MSRA: variants seen among roughly 807,000 people sequenced by gnomAD.
MSRA encodes mitochondrial peptide methionine sulfoxide reductase.
Under a neutral mutation model 31.3 loss-of-function variants are expected in MSRA, and 54 were observed. The observed-to-expected ratio is 1.73, with a 90% CI of 1.39 to 2.17. MSRA has a LOEUF of 2.17. Among genes scored for constraint, MSRA ranks in the 30% most tolerant of loss-of-function variants. MSRA has a pLI of 0.00. For synonymous variants in MSRA, 169 were observed against 116.5 expected, an observed-to-expected ratio of 1.45 and a Z score of -2.90; for missense variants, 507 against 300.9, an observed-to-expected ratio of 1.69 and a Z score of -5.07.
chr8:10,163,336 G>A (rs189976860), intron 1 of MSRA, among the ~76,000 whole-genome samples: 1 of 152,222 alleles, frequency 6.6e-6, no homozygotes, highest in Non-Finnish European at 1.5e-5. Flanking sequence ...ATGGTGGCCG[G>A]TCACCTTCCA....
chr8:10,265,521 G>C (rs1312306280), intron 3 of MSRA, among the ~76,000 whole-genome samples: 2 of 152,232 alleles, frequency 1.3e-5, no homozygotes, highest in Admixed American at 1.3e-4. Flanking sequence ...ACTCAGCATT[G>C]TCAGGCAGCT....
At chr8:10,129,506 G>A (rs1419188867) in intron 1 of MSRA, among the ~76,000 whole-genome samples, 5 of 152,034 alleles carry the variant, frequency 3.3e-5, no homozygotes, top group African/African-American at 1.2e-4. Context: ...CTCTTGCCCT[G>A]CAGCCTCTGA....
intron 3 of MSRA, among the ~76,000 whole-genome samples, chr8:10,248,552 A>G (rs1369088657): frequency 1.3e-5 from 2 of 152,218 alleles, no homozygotes; most frequent in East Asian, 1.9e-4. Context: ...CACAGCCTCA[A>G]CAGGGGAGAA....
intron 1 of MSRA, among the ~76,000 whole-genome samples, chr8:10,147,033 G>A (rs1803202788): frequency 6.6e-6 from 1 of 152,208 alleles, no homozygotes; most frequent in African/African-American, 2.4e-5. Context: ...CAGAGGCGAG[G>A]TGGCCCTTCC....
intron 5 of MSRA, among the ~76,000 whole-genome samples, chr8:10,361,641 C>T (rs1804852825): frequency 6.6e-6 from 1 of 152,136 alleles, no homozygotes; most frequent in South Asian, 2.1e-4. Context: ...TCTTAAGATG[C>T]TTGCCTTCTC....
chr8:10,212,361 T>A (rs888555311), intron 2 of MSRA, among the ~76,000 whole-genome samples: 19 of 152,090 alleles, frequency 1.2e-4, no homozygotes, highest in African/African-American at 4.3e-4. Context: ...TTTAACGAGG[T>A]TGTATATTAT....
chr8:10,380,437 C>T (rs1004074618), intron 5 of MSRA, among the ~76,000 whole-genome samples: 1 of 152,166 alleles, frequency 6.6e-6, no homozygotes, highest in Non-Finnish European at 1.5e-5. Flanking sequence ...AGCATCATTG[C>T]AATTCACTTT....
At chr8:10,243,443 C>T (rs991212132) in intron 2 of MSRA, among the ~76,000 whole-genome samples, 2 of 152,126 alleles carry the variant, frequency 1.3e-5, no homozygotes, top group African/African-American at 2.4e-5. Flanking sequence ...TGCCGGAGAC[C>T]TGTGGATACT....
intron 1 of MSRA, among the ~76,000 whole-genome samples, chr8:10,076,020 A>G (rs547781468): frequency 6.6e-6 from 1 of 152,230 alleles, no homozygotes; most frequent in African/African-American, 2.4e-5. Context: ...AGTGAAGGGC[A>G]TGTTGGCTTG....
chr8:10,289,141 G>C (rs573350622), intron 3 of MSRA, among the ~76,000 whole-genome samples: 2 of 152,054 alleles, frequency 1.3e-5, no homozygotes, highest in Non-Finnish European at 2.9e-5. Context: ...TCAGTCTCTG[G>C]AGTAGCTGGG....
chr8:10,142,609 C>G (rs908277907), intron 1 of MSRA, among the ~76,000 whole-genome samples: 1 of 152,218 alleles, frequency 6.6e-6, no homozygotes, highest in African/African-American at 2.4e-5. Flanking sequence ...TTTCTTTAAC[C>G]TTCCCTCCAA....
At position 10,241,643 on chromosome 8, in the gene MSRA, C is replaced by G. The variant is rs116220865; in HGVS notation, c.212-3461C>G. Reference sequence around the variant, plus strand: ...GAATTAGAAGATCACTATTTTGCAACTCTCCAGGAATTAATACATCTAGGC... The same window carrying G: ...GAATTAGAAGATCACTATTTTGCAAGTCTCCAGGAATTAATACATCTAGGC... On this transcript the variant is annotated intron_variant, in intron 2 of 5. Coordinates refer to ENST00000317173, the MANE Select transcript of MSRA (RefSeq NM_012331.5). 7.8e-3 allele frequency among the ~76,000 whole-genome samples: 1,193 copies of G among 152,266 alleles called. 15 individuals carry two copies. Among genetic ancestry groups the G allele is most frequent in the African/African-American group, 0.026 (1,094 of 41,546 alleles).
chr8:10,290,232 G>A (rs1320162561), intron 3 of MSRA, among the ~76,000 whole-genome samples: 2 of 152,206 alleles, frequency 1.3e-5, no homozygotes, highest in Non-Finnish European at 2.9e-5. Context: ...GCACTGCCTG[G>A]ACTGTGAGTA....
intron 3 of MSRA, among the ~76,000 whole-genome samples, chr8:10,294,811 C>G (rs1301690055): frequency 6.6e-6 from 1 of 152,088 alleles, no homozygotes. Context: ...CCCTAACCTT[C>G]CCCACAGCAG....
At chr8:10,187,354 C>A (rs1410731014) in intron 1 of MSRA, among the ~76,000 whole-genome samples, 1 of 152,112 alleles carries the variant, frequency 6.6e-6, no homozygotes, top group Non-Finnish European at 1.5e-5. Context: ...TGGAAAGAAG[C>A]ACAGGAAAGG....
chr8:10,375,390 G>A (rs150014667), intron 5 of MSRA, among the ~76,000 whole-genome samples: 50 of 152,280 alleles, frequency 3.3e-4, no homozygotes, highest in African/African-American at 1.2e-3. Flanking sequence ...CCTTCATATC[G>A]GAGGCATGAC....
intron 1 of MSRA, among the ~76,000 whole-genome samples, chr8:10,171,101 G>C (rs1262913852): frequency 6.6e-6 from 1 of 152,188 alleles, no homozygotes; most frequent in African/African-American, 2.4e-5. Flanking sequence ...TTGGCACATG[G>C]ATGGGAAGGC....
chr8:10,154,897 T>A (rs1383705790), intron 1 of MSRA, among the ~76,000 whole-genome samples: 1 of 151,582 alleles, frequency 6.6e-6, no homozygotes, highest in African/African-American at 2.4e-5. Flanking sequence ...AAATGTTCTT[T>A]AATATTGATT....
chr8:10,405,589 A>T (rs1015114293), intron 5 of MSRA, among the ~76,000 whole-genome samples: 2 of 152,122 alleles, frequency 1.3e-5, no homozygotes, highest in African/African-American at 4.8e-5. Flanking sequence ...CCCCATATCC[A>T]TAACTATTTA....
Sources: allele counts gnomAD v4.1 joint callset (sites outside exome capture counted in the v4.1 genomes callset), GRCh38; gene constraint gnomAD v4.1.1; transcripts MANE v1.5; gene names NCBI Gene and HGNC (gene_info 2026-07-23, HGNC 2026-07-21).